RAP1GAP2: variants seen among roughly 807,000 people sequenced by gnomAD.
RAP1GAP2 encodes the protein RAP1 GTPase activating protein 2.
RAP1GAP2 carries 27 observed loss-of-function variants against 95.0 expected under a neutral mutation model. The observed-to-expected ratio is 0.28, with a 90% CI of 0.21 to 0.39. RAP1GAP2 has a LOEUF of 0.39. Ranked by LOEUF, RAP1GAP2 falls within the 10% of genes least tolerant of loss-of-function variation. RAP1GAP2 has a pLI of 1.00. For synonymous variants in RAP1GAP2, 373 were observed against 380.9 expected (o/e 0.98, Z 0.24); for missense variants, 771 against 970.0 (o/e 0.79, Z 2.72).
At chr17:2,891,950 A>C (rs1489168006) in intron 2 of RAP1GAP2, among the ~76,000 whole-genome samples, 1 of 149,204 alleles carries the variant, frequency 6.7e-6, no homozygotes, top group Non-Finnish European at 1.5e-5. Flanking sequence ...CAGCCTCCCA[A>C]GTAGCTGGGA....
chr17:2,891,633 G>A (rs2073719600), intron 2 of RAP1GAP2, among the ~76,000 whole-genome samples: 2 of 151,200 alleles, frequency 1.3e-5, no homozygotes, highest in African/African-American at 4.9e-5. Flanking sequence ...GCAAGGGTGT[G>A]AATTTTTTTG....
intron 3 of RAP1GAP2, among the ~76,000 whole-genome samples, chr17:2,946,979 G>A (rs569503252): frequency 2.0e-5 from 3 of 152,070 alleles, no homozygotes; most frequent in Non-Finnish European, 4.4e-5. Context: ...GGTCTTGAAC[G>A]CCTGACCCCA....
intron 17 of RAP1GAP2, among the ~76,000 whole-genome samples, chr17:3,011,856 C>T (rs893569948): frequency 3.3e-5 from 5 of 151,976 alleles, no homozygotes; most frequent in African/African-American, 4.8e-5. Flanking sequence ...TCAGGTGATC[C>T]GCCCATCTTG....
chr17:2,938,319 C>G (rs2043367395), intron 3 of RAP1GAP2, among the ~76,000 whole-genome samples: 1 of 152,142 alleles, frequency 6.6e-6, no homozygotes, highest in Admixed American at 6.6e-5. Context: ...CTGTTTCTCC[C>G]ACACCACACT....
rs115160986 is a variant in RAP1GAP2 at position 2,787,537 on chromosome 17, T to C, written c.-14+10259T>C. Among the ~76,000 whole-genome samples, 1,492 of 152,148 alleles carry C rather than the reference T, an allele frequency of 9.8e-3. 32 individuals carry two copies. The highest frequency in any genetic ancestry group is 0.034 in the African/African-American group (1,423 of 41,492). ...TCCCAAAGTGCTAGGATGACAGGTG[T>C]GAGTCACCACACGCTGAGCCTGTTT... On this transcript the variant is annotated intron_variant, in intron 1 of 24. Transcript: ENST00000540393.
At chr17:3,032,342 A>G (rs531542143) in intron 23 of RAP1GAP2, 69 bp from the exon 24 acceptor site, 8 of 1,594,622 alleles carry the variant, frequency 5.0e-6, no homozygotes, top group Non-Finnish European at 6.0e-6. Flanking sequence ...CTGAGTGCAC[A>G]GAGCCGCCGT....
At chr17:2,909,431 G>T (rs1470570758) in intron 3 of RAP1GAP2, among the ~76,000 whole-genome samples, 1 of 152,212 alleles carries the variant, frequency 6.6e-6, no homozygotes. Flanking sequence ...GAGTCAGAGG[G>T]TGTAGACGGT....
intron 3 of RAP1GAP2, among the ~76,000 whole-genome samples, chr17:2,913,253 G>T (rs148395563): frequency 2.7e-4 from 41 of 151,596 alleles, no homozygotes; most frequent in Non-Finnish European, 5.0e-4. Flanking sequence ...CTCCTCACCT[G>T]TGCACACCTG....
intron 1 of RAP1GAP2, among the ~76,000 whole-genome samples, chr17:2,798,503 C>G (rs74506558): frequency 1.7e-4 from 26 of 152,262 alleles, no homozygotes; most frequent in African/African-American, 6.0e-4. Context: ...TCTGGGATGG[C>G]TGTCAGCTGG....
chr17:2,817,162 AT>A (rs2070060283), intron 2 of RAP1GAP2, among the ~76,000 whole-genome samples: 1 of 116,670 alleles, frequency 8.6e-6, no homozygotes, highest in South Asian at 2.7e-4. Context: ...TAATTTCTGT[AT>A]TTTTAGTAGA....
intron 3 of RAP1GAP2, among the ~76,000 whole-genome samples, chr17:2,950,831 G>T (rs2043898171): frequency 6.6e-6 from 1 of 151,850 alleles, no homozygotes; most frequent in Non-Finnish European, 1.5e-5. Context: ...GGCTGGTCTT[G>T]AACTCCTGAC....
chr17:2,853,839 G>T, intron 2 of RAP1GAP2: 1 of 838,682 alleles, frequency 1.2e-6, no homozygotes, highest in Non-Finnish European at 1.4e-6. Context: ...AGAGCGCGCG[G>T]TCACCTGACC....
chr17:2,980,856 G>A (rs1272876461), intron 9 of RAP1GAP2, among the ~76,000 whole-genome samples: 1 of 152,170 alleles, frequency 6.6e-6, no homozygotes, highest in African/African-American at 2.4e-5. Flanking sequence ...AGTCAGCTGG[G>A]TTGGTTGGAC....
At chr17:2,765,600 G>A (rs544990095) in intron 1 of RAP1GAP2, among the ~76,000 whole-genome samples, 2 of 152,026 alleles carry the variant, frequency 1.3e-5, no homozygotes, top group Admixed American at 6.6e-5. Context: ...AAAATTAGCC[G>A]GGCATGGTGG....
chr17:2,783,151 C>T (rs925049727), intron 1 of RAP1GAP2, among the ~76,000 whole-genome samples: 8 of 152,136 alleles, frequency 5.3e-5, no homozygotes, highest in Non-Finnish European at 7.4e-5. Context: ...AACCCAGACC[C>T]GTTCTTCTGC....
rs1162407198 is a variant in RAP1GAP2, at chr17:2,904,491, G to A, written c.81-793G>A. On this transcript the variant is annotated intron_variant, in intron 2 of 24. Coordinates refer to ENST00000254695, the MANE Select transcript of RAP1GAP2 (RefSeq NM_015085.5). The surrounding 1 kb of genome is among the most constrained non-coding windows in gnomAD (Gnocchi z 4.7). ...AAGTTTTACCTGCGGTTGCACGGCA[G>A]GCAGCCCTGTCTCCCGAGGACAGCT... Among the ~76,000 whole-genome samples, 3 of 151,352 alleles carry A rather than the reference G, an allele frequency of 2.0e-5. No individual in the cohort carries two copies. Among genetic ancestry groups the A allele is most frequent in the East Asian group, 3.9e-4 (2 of 5,148 alleles).
intron 2 of RAP1GAP2, among the ~76,000 whole-genome samples, chr17:2,845,097 A>G (rs1335415556): frequency 2.6e-5 from 4 of 152,152 alleles, no homozygotes; most frequent in Non-Finnish European, 2.9e-5. Flanking sequence ...CACTGACTAC[A>G]TAAGTTCTAG....
chr17:2,789,738 C>T (rs371054143), intron 1 of RAP1GAP2, among the ~76,000 whole-genome samples: 1 of 142,178 alleles, frequency 7.0e-6, no homozygotes, highest in East Asian at 2.0e-4. Flanking sequence ...GCCGAGATTG[C>T]ACCAGTGCAC....
Position 2,871,950 on chromosome 17 carries a change from G to A in RAP1GAP2, c.81-33334G>A, listed in dbSNP as rs112772978. On this transcript the variant is annotated intron_variant, in intron 2 of 24. Transcript: ENST00000254695. This position sits in a 1 kb window ranked among gnomAD's most constrained non-coding sequence, Gnocchi z 5.0. ...TTAAAATAGAATGATGAGGCCAGGC[G>A]TGGTGGCTCACGCCTGGAATCTCAG... Among the ~76,000 whole-genome samples, 5,402 of 152,208 alleles carry A rather than the reference G, an allele frequency of 0.035. 183 individuals are homozygous for A. The highest frequency in any genetic ancestry group is 0.095 in the South Asian group (458 of 4,816).
Sources: allele counts gnomAD v4.1 joint callset (sites outside exome capture counted in the v4.1 genomes callset), GRCh38; gene constraint gnomAD v4.1.1; non-coding constraint Gnocchi (gnomAD v3.1); transcripts MANE v1.5; gene names NCBI Gene and HGNC (gene_info 2026-07-23, HGNC 2026-07-21).